MAGI2: variants seen among roughly 807,000 people sequenced by gnomAD.
MAGI2 encodes membrane-associated guanylate kinase, WW and PDZ domain-containing protein 2.
In MAGI2, 35 loss-of-function variants were observed where a neutral mutation model predicts 133.3. The observed-to-expected ratio is 0.26, with a 90% CI of 0.20 to 0.35. The LOEUF is 0.35. Ranked by LOEUF, MAGI2 falls within the 10% of genes least tolerant of loss-of-function variation. The probability of loss-of-function intolerance (pLI) is 1.00; values close to 1 mark genes in which losing one functional copy is unlikely to be tolerated. For synonymous variants in MAGI2, 729 were observed against 710.6 expected, an observed-to-expected ratio of 1.03 and a Z score of -0.41; for missense variants, 1,636 against 1,863.4, an observed-to-expected ratio of 0.88 and a Z score of 2.25.
chr7:79,393,441 C>T (rs991077), intron 1 of MAGI2, among the ~76,000 whole-genome samples: 84,165 of 152,008 alleles, frequency 0.55, 25,888 homozygotes, highest in African/African-American at 0.82. Context: ...AAAATTAGAA[C>T]TCTATAACAT....
chr7:78,993,603 T>C (rs965987902), intron 2 of MAGI2, among the ~76,000 whole-genome samples: 1 of 151,978 alleles, frequency 6.6e-6, no homozygotes, highest in Non-Finnish European at 1.5e-5. Flanking sequence ...TTAGTTGCCA[T>C]CCTCAGAGGC....
At chr7:78,573,273 A>AATATATATATTTATATATATATTT (rs1801829542) in intron 3 of MAGI2, among the ~76,000 whole-genome samples, 1 of 51,678 alleles carries the variant, frequency 1.9e-5, no homozygotes, top group Non-Finnish European at 3.0e-5. Flanking sequence ...AATATATATA[A>AATATATATATTTATATATATATTT]ATATATATAT....
At chr7:78,358,104 A>G (rs547438190) in intron 7 of MAGI2, among the ~76,000 whole-genome samples, 16 of 134,930 alleles carry the variant, frequency 1.2e-4, no homozygotes, top group African/African-American at 3.3e-4. Flanking sequence ...TCGAGGCTGC[A>G]GTGAGCAGTG....
chr7:78,816,895 C>T (rs1027822707), intron 2 of MAGI2, among the ~76,000 whole-genome samples: 42 of 152,308 alleles, frequency 2.8e-4, no homozygotes, highest in Non-Finnish European at 1.3e-4. Flanking sequence ...TTGACTGTCA[C>T]ATTTTATTAT....
intron 1 of MAGI2, among the ~76,000 whole-genome samples, chr7:79,393,728 A>C (rs1844838098): frequency 6.6e-6 from 1 of 152,204 alleles, no homozygotes; most frequent in Non-Finnish European, 1.5e-5. Flanking sequence ...TTAATGGCAC[A>C]TTGTTATGTG....
Position 79,007,897 on chromosome 7 carries a change from T to G in MAGI2, c.302-691A>C, listed in dbSNP as rs1047249880. Among the ~76,000 whole-genome samples the G allele has an allele frequency of 3.1e-5, 4 of 130,490 alleles. No homozygotes were observed. In the East Asian group the frequency reaches 5.9e-4, roughly 19 times the overall value. 85.6% of individuals were successfully genotyped at this position (130,490 alleles called of 152,430 possible). ...AGACAAGGTTTGAAAGAATGTAGGGTTTTTTTTTCCTTTTTTCAATTCAAA... is the reference window on the plus strand; with the variant it reads ...AGACAAGGTTTGAAAGAATGTAGGGGTTTTTTTTCCTTTTTTCAATTCAAA... On this transcript the variant is annotated intron_variant, in intron 1 of 21. Transcript: ENST00000354212.
chr7:78,378,458 A>G (rs1794646157), intron 6 of MAGI2, among the ~76,000 whole-genome samples: 1 of 152,074 alleles, frequency 6.6e-6, no homozygotes, highest in African/African-American at 2.4e-5. Context: ...CCAGTAAGAC[A>G]TTAGACTTTA....
intron 21 of MAGI2, among the ~76,000 whole-genome samples, chr7:78,047,944 A>G (rs1408159718): frequency 6.6e-6 from 1 of 152,206 alleles, no homozygotes; most frequent in Non-Finnish European, 1.5e-5. Context: ...GTCCTCCTTG[A>G]TAAGCTCACA....
intron 13 of MAGI2, chr7:78,185,415 C>A (rs561209066): frequency 2.5e-4 from 98 of 394,300 alleles, no homozygotes; most frequent in Non-Finnish European, 3.9e-4. Context: ...GAAAGAAATT[C>A]ATGAATATGA....
chr7:79,134,197 A>T (rs1016967654), intron 1 of MAGI2, among the ~76,000 whole-genome samples: 4 of 152,208 alleles, frequency 2.6e-5, no homozygotes, highest in African/African-American at 9.6e-5. Context: ...TACCTACTTT[A>T]TCTTGAATCT....
chr7:78,078,724 A>G (rs1815625088), intron 21 of MAGI2: 1 of 600,076 alleles, frequency 1.7e-6, no homozygotes, highest in Non-Finnish European at 2.9e-6. Flanking sequence ...TCCTTAATGG[A>G]GGGAGCAAAA....
rs996788738 is a variant in MAGI2 at position 79,090,002 on chromosome 7, T to TA, written c.302-82797dup. Reference sequence around the variant, plus strand: ...ATGTATCCCAGAACTTAAAGTATAATAAAAAAAAAGAAAATTACATCTACA... The same window carrying TA: ...ATGTATCCCAGAACTTAAAGTATAATAAAAAAAAAAGAAAATTACATCTACA... On this transcript the variant is annotated intron_variant, in intron 1 of 21. Transcript: ENST00000354212. Among the ~76,000 whole-genome samples, 122 of 150,120 alleles carry TA rather than the reference T, an allele frequency of 8.1e-4. 1 individual carries two copies. Among genetic ancestry groups the TA allele is most frequent in the African/African-American group, 2.3e-3 (94 of 40,946 alleles).
At chr7:79,076,001 C>A (rs568168102) in intron 1 of MAGI2, among the ~76,000 whole-genome samples, 1 of 152,268 alleles carries the variant, frequency 6.6e-6, no homozygotes, top group South Asian at 2.1e-4. Flanking sequence ...ACAGCAAATA[C>A]ATACTAATTG....
intron 2 of MAGI2, among the ~76,000 whole-genome samples, chr7:78,889,160 G>A (rs576906050): frequency 6.6e-5 from 10 of 152,128 alleles, no homozygotes; most frequent in South Asian, 4.2e-4. Flanking sequence ...AAAATGAAGC[G>A]AGAAGAGAAG....
At chr7:78,806,325 AT>A (rs1788574129) in intron 2 of MAGI2, among the ~76,000 whole-genome samples, 1 of 152,182 alleles carries the variant, frequency 6.6e-6, no homozygotes, top group South Asian at 2.1e-4. Context: ...GTTTGTGCAA[AT>A]GAAGTAGAAT....
At chr7:78,977,622 G>A (rs909473219) in intron 2 of MAGI2, among the ~76,000 whole-genome samples, 2 of 151,620 alleles carry the variant, frequency 1.3e-5, no homozygotes, top group African/African-American at 4.8e-5. Context: ...AAATCTATGT[G>A]AACTCTTGTT....
rs150475596 is a variant in MAGI2, at chr7:78,638,796, C to T, written c.419-11557G>A. Among the ~76,000 whole-genome samples, 768 of 152,188 alleles carry T rather than the reference C, an allele frequency of 5.0e-3. 9 individuals are homozygous for T. Among genetic ancestry groups the T allele is most frequent in the African/African-American group, 0.018 (736 of 41,526 alleles). On this transcript the variant is annotated intron_variant, in intron 2 of 21. Transcript: ENST00000354212. ...TACCAATTAATTTATTTTTGAACTT[C>T]TGATTTTAATTCAATATTTAATTTA...
chr7:79,374,310 T>C (rs992568276), intron 1 of MAGI2, among the ~76,000 whole-genome samples: 1 of 140,674 alleles, frequency 7.1e-6, no homozygotes, highest in Non-Finnish European at 1.5e-5. Flanking sequence ...AAGGGGAAAT[T>C]TGGACACACA....
intron 2 of MAGI2, among the ~76,000 whole-genome samples, chr7:78,917,848 ACT>A (rs1798920977): frequency 6.6e-6 from 1 of 152,146 alleles, no homozygotes; most frequent in African/African-American, 2.4e-5. Flanking sequence ...AAAGGATACA[ACT>A]CAGCCACAGC....
Sources: gnomAD v4.1 joint callset for allele counts (sites outside exome capture counted in the v4.1 genomes callset) on GRCh38, gnomAD v4.1.1 for gene constraint, MANE v1.5 for transcripts, NCBI Gene and HGNC (gene_info 2026-07-23, HGNC 2026-07-21) for gene names.